Variants in LRRC4C observed in about 807,000 individuals in gnomAD.
LRRC4C encodes leucine-rich repeat-containing protein 4C.
A neutral mutation model predicts 33.6 loss-of-function variants in LRRC4C; 5 were observed. That is an observed-to-expected ratio of 0.15 (90% CI 0.08 to 0.31). LRRC4C has a LOEUF of 0.31. Among genes scored for constraint, LRRC4C ranks in the 10% least tolerant of loss-of-function variants. LRRC4C has a pLI of 1.00. For missense variants in LRRC4C, 560 were observed against 796.7 expected, an observed-to-expected ratio of 0.70 and a Z score of 3.58; for synonymous variants, 329 against 302.0, an observed-to-expected ratio of 1.09 and a Z score of -0.93.
At chr11:40,955,362 C>G (rs1288213985) in intron 1 of LRRC4C, among the ~76,000 whole-genome samples, 1 of 151,612 alleles carries the variant, frequency 6.6e-6, no homozygotes, top group African/African-American at 2.4e-5. Flanking sequence ...AAAAGGTGAT[C>G]AAAATTTTCT....
At chr11:40,336,976 CAAAAAAAAAAAAAAAAA>C (rs34144874) in intron 3 of LRRC4C, among the ~76,000 whole-genome samples, 1 of 79,276 alleles carries the variant, frequency 1.3e-5, no homozygotes, top group Non-Finnish European at 2.2e-5. Flanking sequence ...GACTTCGTCT[CAAAAAAAAAAAAAAAAA>C]AAAAAAAAAA....
intron 1 of LRRC4C, among the ~76,000 whole-genome samples, chr11:41,098,074 G>A (rs1286024718): frequency 6.6e-6 from 1 of 152,086 alleles, no homozygotes; most frequent in East Asian, 1.9e-4. Flanking sequence ...GACTCTGGAG[G>A]TGAAGAGTAA....
intron 3 of LRRC4C, among the ~76,000 whole-genome samples, chr11:40,355,476 G>C (rs1947615386): frequency 6.6e-6 from 1 of 152,124 alleles, no homozygotes; most frequent in African/African-American, 2.4e-5. Flanking sequence ...TGGTGGTGGG[G>C]CTAACTGGAA....
chr11:41,265,624 A>T (rs1949123977), intron 1 of LRRC4C, among the ~76,000 whole-genome samples: 1 of 152,052 alleles, frequency 6.6e-6, no homozygotes. Flanking sequence ...ATGGGGAAAA[A>T]CCTAGTTGCC....
chr11:41,207,171 G>A (rs970526363), intron 1 of LRRC4C, among the ~76,000 whole-genome samples: 2 of 152,106 alleles, frequency 1.3e-5, no homozygotes, highest in African/African-American at 2.4e-5. Flanking sequence ...TAAGACTGTG[G>A]TTTTCAATTC....
intron 1 of LRRC4C, among the ~76,000 whole-genome samples, chr11:41,406,411 C>T (rs1954233445): frequency 1.3e-5 from 2 of 152,032 alleles, no homozygotes; most frequent in African/African-American, 4.8e-5. Flanking sequence ...GAAATATATA[C>T]AAAGTTGATT....
At chr11:40,589,763 C>G in intron 3 of LRRC4C, among the ~76,000 whole-genome samples, 1 of 150,808 alleles carries the variant, frequency 6.6e-6, no homozygotes, top group Middle Eastern at 3.4e-3. Context: ...ATATGAAATT[C>G]TGGGTTGAAA....
At chr11:41,179,228 A>G (rs1945340202) in intron 1 of LRRC4C, among the ~76,000 whole-genome samples, 1 of 151,352 alleles carries the variant, frequency 6.6e-6, no homozygotes, top group Non-Finnish European at 1.5e-5. Flanking sequence ...GGTCCTTGAA[A>G]TCTAGTTCCC....
chr11:40,631,029 T>A (rs1346940315), intron 3 of LRRC4C, among the ~76,000 whole-genome samples: 1 of 152,168 alleles, frequency 6.6e-6, no homozygotes, highest in African/African-American at 2.4e-5. Flanking sequence ...TTAGCCCTTT[T>A]AAAAGGAGAG....
rs568380214 is a variant in LRRC4C at position 41,194,746 on chromosome 11, A to G, written c.-495-261023T>C. 2.6e-5 allele frequency among the ~76,000 whole-genome samples: 4 copies of G among 152,248 alleles called. No individual in the cohort carries two copies. The South Asian group carries it at 6.2e-4, about 24-fold the overall frequency. On this transcript the variant is annotated intron_variant, in intron 1 of 6. Transcript: ENST00000528697. ...TGATTGCAGCTTTGTAAGACCATGA[A>G]GCAAAGGGCCCTGTTAAGTTGTGTG...
chr11:41,447,644 C>G (rs1955866783), intron 1 of LRRC4C, among the ~76,000 whole-genome samples: 1 of 152,072 alleles, frequency 6.6e-6, no homozygotes, highest in African/African-American at 2.4e-5. Flanking sequence ...TCGTAATACC[C>G]ATTAATGTGC....
At chr11:40,731,139 G>A (rs1455604757) in intron 2 of LRRC4C, among the ~76,000 whole-genome samples, 1 of 152,048 alleles carries the variant, frequency 6.6e-6, no homozygotes, top group African/African-American at 2.4e-5. Context: ...CTAACATGGT[G>A]AAACCCCGTC....
intron 3 of LRRC4C, among the ~76,000 whole-genome samples, chr11:40,522,488 G>T (rs1166684068): frequency 2.0e-5 from 3 of 152,136 alleles, no homozygotes; most frequent in African/African-American, 7.2e-5. Flanking sequence ...CCCCCATACG[G>T]TTCCTGTGGT....
At chr11:40,933,193 G>T (rs539907937) in intron 2 of LRRC4C, among the ~76,000 whole-genome samples, 5 of 152,308 alleles carry the variant, frequency 3.3e-5, no homozygotes, top group African/African-American at 9.6e-5. Flanking sequence ...GAAAATACAT[G>T]CAACTGCAGT....
chr11:40,628,914 T>C (rs1241117776), intron 3 of LRRC4C, among the ~76,000 whole-genome samples: 1 of 152,186 alleles, frequency 6.6e-6, no homozygotes, highest in Non-Finnish European at 1.5e-5. Flanking sequence ...TTATGCTTAA[T>C]ATGAAGGAGA....
At chr11:41,427,470 T>C (rs1006812571) in intron 1 of LRRC4C, among the ~76,000 whole-genome samples, 3 of 152,144 alleles carry the variant, frequency 2.0e-5, no homozygotes, top group African/African-American at 4.8e-5. Flanking sequence ...ATGTGTGTTA[T>C]GTAATAGAGC....
At chr11:40,159,558 A>G (rs957882012) in intron 5 of LRRC4C, among the ~76,000 whole-genome samples, 1 of 152,198 alleles carries the variant, frequency 6.6e-6, no homozygotes, top group African/African-American at 2.4e-5. Flanking sequence ...AGGACGAGCT[A>G]GAAATATATG....
chr11:40,748,886 A>G (rs1565010018), intron 2 of LRRC4C, among the ~76,000 whole-genome samples: 2 of 152,110 alleles, frequency 1.3e-5, no homozygotes, highest in Non-Finnish European at 2.9e-5. Context: ...AAAGACAAAA[A>G]CAGATCATTA....
Position 40,419,791 on chromosome 11 carries a change from A to G in LRRC4C, c.-269-100070T>C, listed in dbSNP as rs116138255. Among the ~76,000 whole-genome samples, 221 of 152,328 alleles carry G rather than the reference A, an allele frequency of 1.5e-3. 1 individual carries two copies. Among genetic ancestry groups the G allele is most frequent in the African/African-American group, 5.1e-3 (212 of 41,584 alleles). ...ATAGAAGGCACAAGGGGCAGGTGCC[A>G]TGAAGGCCAGATGGGCACTATGGTC... On this transcript the variant is annotated intron_variant, in intron 3 of 6. Coordinates refer to ENST00000528697, the MANE Select transcript of LRRC4C (RefSeq NM_001258419.2).
Sources: gnomAD v4.1 joint callset for allele counts (sites outside exome capture counted in the v4.1 genomes callset) on GRCh38, gnomAD v4.1.1 for gene constraint, MANE v1.5 for transcripts, NCBI Gene and HGNC (gene_info 2026-07-23, HGNC 2026-07-21) for gene names.